Variants in PPARGC1A observed in about 807,000 individuals in gnomAD.
PPARGC1A encodes the protein PPARG coactivator 1 alpha.
Under a neutral mutation model 88.7 loss-of-function variants are expected in PPARGC1A, and 25 were observed. The ratio of observed to expected loss-of-function variants is 0.28; its 90% CI spans 0.21 to 0.39. The LOEUF (loss-of-function observed/expected upper bound fraction) is 0.39. Ranked by LOEUF, PPARGC1A falls within the 10% of genes least tolerant of loss-of-function variation. The probability of loss-of-function intolerance (pLI) is 1.00; values close to 1 mark genes in which losing one functional copy is unlikely to be tolerated. For missense variants in PPARGC1A, 880 were observed against 968.7 expected, an observed-to-expected ratio of 0.91 and a Z score of 1.22; for synonymous variants, 363 against 355.6, an observed-to-expected ratio of 1.02 and a Z score of -0.24.
the PPARGC1A span, among the ~76,000 whole-genome samples, chr4:24,285,942 C>T: frequency 4.6e-5 from 7 of 152,306 alleles, no homozygotes; most frequent in Non-Finnish European, 7.3e-5. Context: ...TAAGAAAAAG[C>T]GAAACTATTA....
chr4:23,934,310 C>T, the PPARGC1A span, among the ~76,000 whole-genome samples: 1 of 152,190 alleles, frequency 6.6e-6, no homozygotes, highest in Non-Finnish European at 1.5e-5. Context: ...GTAACAACAG[C>T]CCCTACAGAG....
the PPARGC1A span, among the ~76,000 whole-genome samples, chr4:24,171,214 T>C: frequency 6.6e-6 from 1 of 152,270 alleles, no homozygotes; most frequent in South Asian, 2.1e-4. Flanking sequence ...GAGACCATCC[T>C]GGCCAACATG....
the PPARGC1A span, among the ~76,000 whole-genome samples, chr4:24,387,940 GAA>G: frequency 5.1e-5 from 7 of 137,338 alleles, no homozygotes; most frequent in Middle Eastern, 7.4e-3. Context: ...GAAAGAGAAA[GAA>G]AGAAAGAAAG....
the PPARGC1A span, among the ~76,000 whole-genome samples, chr4:24,290,421 A>C: frequency 6.6e-6 from 1 of 152,070 alleles, no homozygotes; most frequent in East Asian, 1.9e-4. Flanking sequence ...GCTCAGTCTT[A>C]AGCCTTCTGC....
chr4:24,315,927 T>C, the PPARGC1A span, among the ~76,000 whole-genome samples: 1 of 152,220 alleles, frequency 6.6e-6, no homozygotes, highest in South Asian at 2.1e-4. Context: ...TCTAGATCCG[T>C]TCTTCATAAA....
chr4:23,939,535 A>G, the PPARGC1A span, among the ~76,000 whole-genome samples: 1 of 152,230 alleles, frequency 6.6e-6, no homozygotes, highest in Non-Finnish European at 1.5e-5. Flanking sequence ...AGGATTCTAT[A>G]GTGGTAGGAA....
the PPARGC1A span, among the ~76,000 whole-genome samples, chr4:24,427,568 G>A: frequency 6.6e-6 from 1 of 152,160 alleles, no homozygotes; most frequent in African/African-American, 2.4e-5. Flanking sequence ...ACACTCAAGA[G>A]TCTGCAGAGC....
At chr4:24,267,409 G>A in the PPARGC1A span, among the ~76,000 whole-genome samples, 1 of 152,198 alleles carries the variant, frequency 6.6e-6, no homozygotes, top group Non-Finnish European at 1.5e-5. Flanking sequence ...GTAAATGTAG[G>A]TTCCTTCCCC....
At chr4:24,015,832 T>C in the PPARGC1A span, among the ~76,000 whole-genome samples, 1 of 152,180 alleles carries the variant, frequency 6.6e-6, no homozygotes, top group Non-Finnish European at 1.5e-5. Flanking sequence ...AAACTAATGT[T>C]CATTTCATAA....
chr4:23,861,460 C>T (rs1458127330), intron 2 of PPARGC1A, among the ~76,000 whole-genome samples: 2 of 152,158 alleles, frequency 1.3e-5, no homozygotes, highest in Non-Finnish European at 2.9e-5. Context: ...TCACCAGCTA[C>T]TGAGTACCTT....
At chr4:23,986,523 T>A in the PPARGC1A span, among the ~76,000 whole-genome samples, 1 of 152,204 alleles carries the variant, frequency 6.6e-6, no homozygotes, top group South Asian at 2.1e-4. Flanking sequence ...AGCACTAGAC[T>A]TTTTCCTGCA....
chr4:23,977,777 CT>C, the PPARGC1A span, among the ~76,000 whole-genome samples: 1 of 152,288 alleles, frequency 6.6e-6, no homozygotes, highest in South Asian at 2.1e-4. Context: ...TCTCAGTCAG[CT>C]TTGTGATCAT....
At chr4:23,934,692 A>C in the PPARGC1A span, among the ~76,000 whole-genome samples, 2 of 152,148 alleles carry the variant, frequency 1.3e-5, no homozygotes, top group South Asian at 4.1e-4. Flanking sequence ...ATTTGCAAAA[A>C]ACCCAGCAAA....
the PPARGC1A span, among the ~76,000 whole-genome samples, chr4:24,312,156 T>C: frequency 6.6e-6 from 1 of 152,182 alleles, no homozygotes; most frequent in Admixed American, 6.5e-5. Context: ...AAAGAACTCT[T>C]GCCCAGTAAT....
the PPARGC1A span, among the ~76,000 whole-genome samples, chr4:24,445,352 A>C: frequency 2.0e-5 from 3 of 152,168 alleles, no homozygotes; most frequent in Non-Finnish European, 4.4e-5. Flanking sequence ...CGTTTCCTAA[A>C]CCATGTGTCC....
the PPARGC1A span, among the ~76,000 whole-genome samples, chr4:24,156,367 T>A: frequency 6.7e-6 from 1 of 150,114 alleles, no homozygotes; most frequent in African/African-American, 2.4e-5. Context: ...CACTTGCTAT[T>A]TTTTTTTTTC....
At chr4:24,353,767 C>T in the PPARGC1A span, among the ~76,000 whole-genome samples, 1 of 152,148 alleles carries the variant, frequency 6.6e-6, no homozygotes, top group African/African-American at 2.4e-5. Context: ...CAACCCAGTA[C>T]CACAGGTGGG....
At chr4:24,137,255 C>T in the PPARGC1A span, among the ~76,000 whole-genome samples, 6 of 151,492 alleles carry the variant, frequency 4.0e-5, no homozygotes, top group Non-Finnish European at 7.4e-5. Context: ...AGGGAGAAGA[C>T]GGCCATCTAC....
chr4:24,147,543 C>T, the PPARGC1A span, among the ~76,000 whole-genome samples: 1 of 152,108 alleles, frequency 6.6e-6, no homozygotes, highest in African/African-American at 2.4e-5. Flanking sequence ...ACAGGTCTGC[C>T]CATCCCTATA....
Sources: gnomAD v4.1 joint callset for allele counts (sites outside exome capture counted in the v4.1 genomes callset) on GRCh38, gnomAD v4.1.1 for gene constraint, MANE v1.5 for transcripts, NCBI Gene and HGNC (gene_info 2026-07-23, HGNC 2026-07-21) for gene names.